Variants in JAK2 observed in about 807,000 individuals in gnomAD.
JAK2 encodes the protein Janus kinase 2.
In JAK2, 86 loss-of-function variants were observed where a neutral mutation model predicts 139.3. That is an observed-to-expected ratio of 0.62 (90% CI 0.52 to 0.74). The LOEUF (loss-of-function observed/expected upper bound fraction) is 0.74. Ranked by LOEUF, JAK2 falls within the 30% of genes least tolerant of loss-of-function variation. JAK2 has a pLI of 0.00. For synonymous variants in JAK2, 490 were observed against 437.7 expected (o/e 1.12, Z -1.49); for missense variants, 1,421 against 1,360.3 (o/e 1.04, Z -0.70).
At chr9:5,102,310 A>G (rs1256928740) in intron 22 of JAK2, among the ~76,000 whole-genome samples, 1 of 152,220 alleles carries the variant, frequency 6.6e-6, no homozygotes, top group Non-Finnish European at 1.5e-5. Flanking sequence ...GATCAAATTA[A>G]TGAAATAAAG....
intron 8 of JAK2, among the ~76,000 whole-genome samples, chr9:5,058,851 A>G (rs891495882): frequency 6.6e-6 from 1 of 152,168 alleles, no homozygotes; most frequent in South Asian, 2.1e-4. Context: ...GAAGAAATAT[A>G]TATTCAAGTC....
At chr9:5,000,769 T>C (rs972366082) in intron 2 of JAK2, among the ~76,000 whole-genome samples, 18 of 152,200 alleles carry the variant, frequency 1.2e-4, no homozygotes, top group Admixed American at 3.3e-4. Flanking sequence ...CATCTTCTTG[T>C]TTGATATATT....
At chr9:5,042,346 C>G (rs1816645687) in intron 4 of JAK2, among the ~76,000 whole-genome samples, 1 of 151,394 alleles carries the variant, frequency 6.6e-6, no homozygotes, top group African/African-American at 2.4e-5. Flanking sequence ...ACCTTGTTAG[C>G]CAGGATGGTC....
At chr9:5,048,814 G>A (rs7028112) in intron 5 of JAK2, among the ~76,000 whole-genome samples, 93,985 of 152,092 alleles carry the variant, frequency 0.62, 31,209 homozygotes, top group African/African-American at 0.88. Context: ...ATTACATCAA[G>A]AGAAGAGAAA....
At chr9:5,096,905 C>T (rs1821039743) in intron 22 of JAK2, 1 of 152,066 alleles carries the variant, frequency 6.6e-6, no homozygotes, top group South Asian at 2.1e-4. Flanking sequence ...GTTTCGGCAA[C>T]TAACTAGTCC....
intron 2 of JAK2, among the ~76,000 whole-genome samples, chr9:4,988,764 C>A (rs991794342): frequency 6.6e-6 from 1 of 152,166 alleles, no homozygotes; most frequent in African/African-American, 2.4e-5. Flanking sequence ...GCTTCTACTT[C>A]TGTTCATCTC....
chr9:5,023,897 T>G (rs2130094090), intron 3 of JAK2, among the ~76,000 whole-genome samples: 1 of 152,298 alleles, frequency 6.6e-6, no homozygotes, highest in Admixed American at 6.5e-5. Flanking sequence ...TTGTAAGATT[T>G]TTTTAGCTTT....
intron 2 of JAK2, among the ~76,000 whole-genome samples, chr9:5,014,924 A>AT (rs1038555192): frequency 5.7e-4 from 73 of 128,926 alleles, no homozygotes; most frequent in African/African-American, 1.5e-3. Flanking sequence ...TTGATTTTTT[A>AT]TTTTTTTTTT....
Position 5,049,549 on chromosome 9 carries a change from T to A in JAK2, c.469-1137T>A, listed in dbSNP as rs926133869. Among the ~76,000 whole-genome samples the A allele has an allele frequency of 3.9e-5, 6 of 152,336 alleles. No individual in the cohort carries two copies. In the South Asian group the frequency reaches 1.2e-3, roughly 32 times the overall value. ...TACTCCAGCTGAATATAATCTTAAC[T>A]TTCTCCAAGTTCCTGAAGGAGCTTT... On this transcript the variant is annotated intron_variant, in intron 5 of 24. Coordinates refer to ENST00000381652, the MANE Select transcript of JAK2 (RefSeq NM_004972.4).
chr9:5,025,537 C>A (rs1323023539), intron 3 of JAK2, among the ~76,000 whole-genome samples: 1 of 120,756 alleles, frequency 8.3e-6, no homozygotes, highest in Non-Finnish European at 1.7e-5. Flanking sequence ...GAGTTTGTTT[C>A]CTTTTTTTTT....
At chr9:5,078,707 C>G (rs570480589) in intron 16 of JAK2, among the ~76,000 whole-genome samples, 1 of 151,976 alleles carries the variant, frequency 6.6e-6, no homozygotes. Flanking sequence ...GGATTTTATC[C>G]ATTTTTAGTA....
In JAK2 at chr9:5,066,662, T is replaced by G. The variant is rs199917680; in HGVS notation, c.1215-16T>G. ...TGCTTGATATATTATTCAAATTGCTTCTTCTTTACCTTTAGGATGGATTTT... is the reference window on the plus strand; with the variant it reads ...TGCTTGATATATTATTCAAATTGCTGCTTCTTTACCTTTAGGATGGATTTT... On this transcript the variant is annotated splice_polypyrimidine_tract_variant and intron_variant, in intron 9 of 24. Coordinates refer to ENST00000381652, the MANE Select transcript of JAK2 (RefSeq NM_004972.4). The G allele has an allele frequency of 9.2e-6, 13 of 1,415,166 alleles. No homozygotes were observed. The highest frequency in any genetic ancestry group is 4.6e-5 in the East Asian group (2 of 43,714). 87.7% of individuals were successfully genotyped at this position (1,415,166 alleles called of 1,614,324 possible).
chr9:5,078,193 A>G, intron 15 of JAK2, 113 bp from the exon 16 acceptor site: 2 of 823,338 alleles, frequency 2.4e-6, no homozygotes, highest in Non-Finnish European at 1.8e-6. Flanking sequence ...CCTCCAAATT[A>G]TTATACTATC....
At chr9:5,096,958 A>C (rs1262106353) in intron 22 of JAK2, 1 of 152,090 alleles carries the variant, frequency 6.6e-6, no homozygotes. Context: ...CCACGGATAA[A>C]TAATAATGAG....
intron 22 of JAK2, among the ~76,000 whole-genome samples, 175 bp from the exon 23 acceptor site, chr9:5,122,829 C>CT (rs1026299560): frequency 6.0e-5 from 9 of 149,264 alleles, no homozygotes; most frequent in Non-Finnish European, 1.2e-4. Context: ...CTCCTGAAAT[C>CT]TAAGTTCACA....
rs1536799 is a variant in JAK2, at chr9:5,055,015, C to T, written c.936+131C>T. On this transcript the variant is annotated intron_variant, in intron 7 of 24. Coordinates refer to ENST00000381652, the MANE Select transcript of JAK2 (RefSeq NM_004972.4). ...TGATAGAAGTGGAAGTTTTTAATAG[C>T]GTGAACCTATCAAGGTCATATAATT... The T allele has an allele frequency of 0.95, 588,267 of 619,990 alleles. 279,308 individuals carry two copies. The highest frequency in any genetic ancestry group is 1 in the East Asian group (35,768 of 35,778). The allele number at this position is 619,990 out of a possible 1,614,324, so 38.4% of individuals were successfully genotyped here. A position where few individuals can be genotyped will look rare whatever the true frequency, so the allele number is the denominator to read the frequency against.
intron 2 of JAK2, among the ~76,000 whole-genome samples, chr9:4,991,975 C>T (rs73639250): frequency 0.21 from 32,356 of 152,084 alleles, 3,819 homozygotes; most frequent in Middle Eastern, 0.36. Context: ...CTACCCAAAA[C>T]TTAGTGATTT....
At chr9:5,033,419 A>C (rs1021900714) in intron 4 of JAK2, among the ~76,000 whole-genome samples, 3 of 152,184 alleles carry the variant, frequency 2.0e-5, no homozygotes, top group Non-Finnish European at 4.4e-5. Context: ...GAGAAGAGCA[A>C]CTCCAACACA....
At chr9:5,036,333 A>C (rs909200334) in intron 4 of JAK2, among the ~76,000 whole-genome samples, 1 of 152,248 alleles carries the variant, frequency 6.6e-6, no homozygotes, top group Non-Finnish European at 1.5e-5. Context: ...TGCCATCCCC[A>C]TCAAGCTACA....
Sources: allele counts gnomAD v4.1 joint callset (sites outside exome capture counted in the v4.1 genomes callset), GRCh38; gene constraint gnomAD v4.1.1; transcripts MANE v1.5; gene names NCBI Gene and HGNC (gene_info 2026-07-23, HGNC 2026-07-21).